Variants in TPH1 observed in about 807,000 individuals in gnomAD.
The protein encoded by TPH1 is tryptophan hydroxylase 1.
TPH1 carries 37 observed loss-of-function variants against 49.5 expected under a neutral mutation model. The observed-to-expected ratio is 0.75, with a 90% CI of 0.58 to 0.98. The LOEUF (loss-of-function observed/expected upper bound fraction) is 0.98, where lower values mean the gene tolerates loss of function less well. Ranked by LOEUF, TPH1 falls within the 50% of genes least tolerant of loss-of-function variation. The pLI, the probability that TPH1 is intolerant of heterozygous loss-of-function variation, is 0.00. For synonymous variants in TPH1, 160 were observed against 182.1 expected, an observed-to-expected ratio of 0.88 and a Z score of 0.98; for missense variants, 487 against 523.6, an observed-to-expected ratio of 0.93 and a Z score of 0.68.
At chr11:18,036,953 ATAAAG>A (rs1457352256) in intron 2 of TPH1, among the ~76,000 whole-genome samples, 5 of 152,252 alleles carry the variant, frequency 3.3e-5, no homozygotes, top group Admixed American at 2.0e-4. Flanking sequence ...GATTAAGAAA[ATAAAG>A]TAAAGAGTGT....
At chr11:18,043,875 A>C (rs1363920086) in intron 1 of TPH1, among the ~76,000 whole-genome samples, 1 of 151,718 alleles carries the variant, frequency 6.6e-6, no homozygotes, top group Non-Finnish European at 1.5e-5. Context: ...CTTAAAAAAA[A>C]AAAAAAGAGA....
At chr11:18,040,135 A>G (rs1013094667) in intron 2 of TPH1, among the ~76,000 whole-genome samples, 1 of 149,138 alleles carries the variant, frequency 6.7e-6, no homozygotes, top group Non-Finnish European at 1.5e-5. Flanking sequence ...AAATAAAATT[A>G]AAATTTGCTT....
intron 4 of TPH1, among the ~76,000 whole-genome samples, chr11:18,030,418 T>A (rs1847975917): frequency 1.4e-5 from 2 of 147,226 alleles, no homozygotes; most frequent in South Asian, 2.1e-4. Flanking sequence ...GGAGACTCTA[T>A]CTTGAAAAAA....
chr11:18,023,265 T>C, intron 9 of TPH1: 2 of 276,440 alleles, frequency 7.2e-6, no homozygotes, highest in Non-Finnish European at 1.4e-5. Flanking sequence ...ATGACTTATA[T>C]ACCCACCATC....
intron 6 of TPH1, 99 bp from the exon 7 acceptor site, chr11:18,026,724 G>A (rs990650685): frequency 4.2e-6 from 6 of 1,413,966 alleles, no homozygotes; most frequent in Non-Finnish European, 6.0e-6. Flanking sequence ...CACGTTGATG[G>A]AAGGCATGGA....
intron 6 of TPH1, among the ~76,000 whole-genome samples, chr11:18,027,232 C>A (rs960741960): frequency 6.6e-6 from 1 of 152,148 alleles, no homozygotes; most frequent in African/African-American, 2.4e-5. Flanking sequence ...TCAGGAGACC[C>A]CTGTAAGCCC....
intron 10 of TPH1, among the ~76,000 whole-genome samples, chr11:18,022,193 A>G: frequency 6.6e-6 from 1 of 152,208 alleles, no homozygotes; most frequent in Non-Finnish European, 1.5e-5. Flanking sequence ...TTTCGCCTGA[A>G]GTGTTCCAAG....
In TPH1 at chr11:18,031,141, C is replaced by G. The variant is rs529186888; in HGVS notation, c.403-1562G>C. On this transcript the variant is annotated intron_variant, in intron 4 of 10. Coordinates refer to ENST00000682019, the MANE Select transcript of TPH1 (RefSeq NM_004179.3). ...AACTCCACCCCAACCCTCCTCAGCT[C>G]CTGGCAACCAGTAATCCACTGTCTA... 4.6e-5 allele frequency among the ~76,000 whole-genome samples: 7 copies of G among 152,282 alleles called. No homozygotes were observed. In the East Asian group the frequency reaches 1.4e-3, roughly 29 times the overall value.
Position 18,019,664 on chromosome 11 carries a change from A to G in TPH1, c.*1327T>C, listed in dbSNP as rs1266664291. ...AGAACTGAAGTCATGTATCTGGGTGACATTCCCCATGAAGAGATGGCAAAA... is the reference window on the plus strand; with the variant it reads ...AGAACTGAAGTCATGTATCTGGGTGGCATTCCCCATGAAGAGATGGCAAAA... On this transcript the variant is annotated 3_prime_UTR_variant, in exon 11 of 11. Coordinates refer to ENST00000682019, the MANE Select transcript of TPH1 (RefSeq NM_004179.3). The G allele has an allele frequency of 4.3e-6, 2 of 461,858 alleles. No individual in the cohort carries two copies. Among genetic ancestry groups the G allele is most frequent in the South Asian group, 3.1e-5 (2 of 64,744 alleles). 28.6% of individuals were successfully genotyped at this position (461,858 alleles called of 1,614,324 possible). A position where few individuals can be genotyped will look rare whatever the true frequency, so the allele number is the denominator to read the frequency against.
intron 1 of TPH1, chr11:18,042,387 T>C (rs1417162862): frequency 2.2e-6 from 1 of 454,490 alleles, no homozygotes; most frequent in Non-Finnish European, 4.4e-6. Context: ...ACTCAAAGAT[T>C]GACTTTTCTT....
chr11:18,018,665 C>CAAAAAAAAAAAAAAAAAA lies in TPH1; in HGVS notation c.*2308_*2325dup, dbSNP rs57390279. ...TGGGCGACAGAGCAAGACTCCGTCT[C>CAAAAAAAAAAAAAAAAAA]AAAAAAAAAAAAAAAAAAAAAAAAA... On this transcript the variant is annotated 3_prime_UTR_variant, in exon 11 of 11. Coordinates refer to ENST00000682019, the MANE Select transcript of TPH1 (RefSeq NM_004179.3). The CAAAAAAAAAAAAAAAAAA allele has an allele frequency of 1.1e-4, 4 of 37,016 alleles. No homozygotes were observed. Among genetic ancestry groups the CAAAAAAAAAAAAAAAAAA allele is most frequent in the East Asian group, 1.1e-3 (1 of 902 alleles). The allele number at this position is 37,016 out of a possible 1,614,324, so 2.3% of individuals were successfully genotyped here.
At chr11:18,044,372 G>A (rs1848123180) in intron 1 of TPH1, among the ~76,000 whole-genome samples, 1 of 151,778 alleles carries the variant, frequency 6.6e-6, no homozygotes, top group Admixed American at 6.6e-5. Context: ...CAGTGAGCCA[G>A]GATCACGCCA....
chr11:18,023,159 C>T (rs1371846186), intron 9 of TPH1: 8 of 504,036 alleles, frequency 1.6e-5, no homozygotes, highest in Non-Finnish European at 2.9e-5. Flanking sequence ...CTTTGTTCTT[C>T]CTCTCTTCTT....
intron 4 of TPH1, among the ~76,000 whole-genome samples, chr11:18,030,236 C>G (rs1381185151): frequency 6.9e-6 from 1 of 144,758 alleles, no homozygotes; most frequent in Non-Finnish European, 1.5e-5. Context: ...AAGGGAGACC[C>G]TGTCTGTACA....
At chr11:18,031,018 T>C (rs1323387629) in intron 4 of TPH1, among the ~76,000 whole-genome samples, 1 of 152,200 alleles carries the variant, frequency 6.6e-6, no homozygotes, top group African/African-American at 2.4e-5. Context: ...CAGTGGTTTT[T>C]AGATAGTCAC....
At chr11:18,045,338 A>T (rs1458886468) in intron 1 of TPH1, among the ~76,000 whole-genome samples, 5 of 152,232 alleles carry the variant, frequency 3.3e-5, no homozygotes, top group African/African-American at 1.2e-4. Context: ...AAATAAAGGC[A>T]CTGGCAGAGA....
chr11:18,029,322 C>T lies in TPH1; in HGVS notation c.510G>A (p.Glu170=). ...PIPKVEFTEE[E]IKTWGTVFQE... is the part of the protein sequence containing the mutation. Reference sequence around the variant, plus strand: ...GGAATACGGTTCCCCAGGTCTTAATCTCCTCTTCAGTGAATTCAACCTTTG... The same window carrying T: ...GGAATACGGTTCCCCAGGTCTTAATTTCCTCTTCAGTGAATTCAACCTTTG... Residue 170 remains glutamate, a synonymous_variant, in exon 6 of 11, where the codon GAG becomes GAA. Coordinates refer to ENST00000682019, the MANE Select transcript of TPH1 (RefSeq NM_004179.3). 6.2e-7 allele frequency: 1 copy of T among 1,614,030 alleles called. No individual in the cohort carries two copies. The highest frequency in any genetic ancestry group is 2.2e-5 in the East Asian group (1 of 44,858).
intron 8 of TPH1, 68 bp downstream of exon 8, chr11:18,025,507 C>T (rs1190129917): frequency 1.2e-6 from 2 of 1,603,726 alleles, no homozygotes; most frequent in Non-Finnish European, 1.7e-6. Flanking sequence ...TGAATATGTA[C>T]TTTTAAACTA....
chr11:18,038,468 A>C (rs1239798662), intron 2 of TPH1, among the ~76,000 whole-genome samples: 1 of 152,234 alleles, frequency 6.6e-6, no homozygotes, highest in Non-Finnish European at 1.5e-5. Flanking sequence ...CGCACACACA[A>C]AGACTACATA....
Sources: allele counts gnomAD v4.1 joint callset (sites outside exome capture counted in the v4.1 genomes callset), GRCh38; gene constraint gnomAD v4.1.1; transcripts MANE v1.5; gene names NCBI Gene and HGNC (gene_info 2026-07-23, HGNC 2026-07-21).